The following SLC25A26 variants were observed in gnomAD, a reference collection of about 807,000 sequenced individuals.
SLC25A26 encodes solute carrier family 25 member 26, also known as mitochondrial S-adenosylmethionine carrier protein.
In SLC25A26, 36 loss-of-function variants were observed where a neutral mutation model predicts 37.8. That is an observed-to-expected ratio of 0.95 (90% CI 0.73 to 1.26). SLC25A26 has a LOEUF of 1.26. SLC25A26 is among the 50% of genes most tolerant of loss of function. The pLI is 0.00. For synonymous variants in SLC25A26, 129 were observed against 122.5 expected (o/e 1.05, Z -0.35); for missense variants, 390 against 331.1 (o/e 1.18, Z -1.38).
chr3:66,309,522 T>A (rs116465672), intron 5 of SLC25A26, among the ~76,000 whole-genome samples: 2 of 152,150 alleles, frequency 1.3e-5, no homozygotes, highest in East Asian at 3.9e-4. Context: ...TGCTCTGATC[T>A]TAATTATTTC....
chr3:66,281,729 A>G (rs1043658577), intron 5 of SLC25A26, among the ~76,000 whole-genome samples: 16 of 151,282 alleles, frequency 1.1e-4, no homozygotes, highest in African/African-American at 3.6e-4. Context: ...TACCATTAGT[A>G]TTATTCTTTT....
intron 5 of SLC25A26, among the ~76,000 whole-genome samples, chr3:66,329,868 A>G (rs1344237646): frequency 1.3e-5 from 2 of 152,172 alleles, no homozygotes; most frequent in South Asian, 2.1e-4. Flanking sequence ...GCATTTTAAT[A>G]CTGATGTAGG....
intron 8 of SLC25A26, among the ~76,000 whole-genome samples, chr3:66,369,984 T>C (rs1700259116): frequency 1.3e-5 from 2 of 152,142 alleles, no homozygotes; most frequent in Admixed American, 1.3e-4. Flanking sequence ...CCCTGCTAGA[T>C]AGAGAGTTGA....
chr3:66,172,410 G>GAAAAA (rs1199322248), intron 1 of SLC25A26, among the ~76,000 whole-genome samples: 60 of 75,130 alleles, frequency 8.0e-4, no homozygotes, highest in Admixed American at 1.7e-3. Context: ...TACCTGTAAA[G>GAAAAA]AAAAAAAAAA....
At chr3:66,159,576 A>G (rs138511162) in intron 1 of SLC25A26, among the ~76,000 whole-genome samples, 7 of 152,310 alleles carry the variant, frequency 4.6e-5, no homozygotes, top group Admixed American at 4.6e-4. Context: ...CTCCTAATTC[A>G]TCATTAATAT....
chr3:66,272,115 A>G (rs2073981303), intron 5 of SLC25A26, among the ~76,000 whole-genome samples: 1 of 152,156 alleles, frequency 6.6e-6, no homozygotes, highest in Admixed American at 6.6e-5. Context: ...TTTACCAAGT[A>G]CTTAAAATGT....
chr3:66,294,816 A>G (rs2074842309), intron 5 of SLC25A26, among the ~76,000 whole-genome samples: 2 of 152,208 alleles, frequency 1.3e-5, no homozygotes, highest in East Asian at 1.9e-4. Flanking sequence ...AATTGTTAGG[A>G]AAGTCTTTGT....
At position 66,298,709 on chromosome 3, in the gene SLC25A26, A is replaced by G. The variant is rs571145545; in HGVS notation, c.453+35330A>G. Among the ~76,000 whole-genome samples the G allele has an allele frequency of 3.9e-5, 6 of 152,288 alleles. No individual in the cohort carries two copies. The South Asian group carries it at 6.2e-4, about 16-fold the overall frequency. On this transcript the variant is annotated intron_variant, in intron 5 of 9. Transcript: ENST00000354883. Reference sequence around the variant, plus strand: ...GCTAGAAATGAGCACCAGTCACACTACTGATCTGTGTTAGGAAAGATCACA... The same window carrying G: ...GCTAGAAATGAGCACCAGTCACACTGCTGATCTGTGTTAGGAAAGATCACA...
upstream of SLC25A26, among the ~76,000 whole-genome samples, chr3:66,217,194 T>A (rs1393855097): frequency 6.6e-6 from 1 of 152,234 alleles, no homozygotes; most frequent in Non-Finnish European, 1.5e-5. Context: ...TTCTTAATTT[T>A]ACTTCAAAGG....
chr3:66,250,517 A>T (rs2073040226), intron 3 of SLC25A26, among the ~76,000 whole-genome samples: 1 of 152,214 alleles, frequency 6.6e-6, no homozygotes, highest in Non-Finnish European at 1.5e-5. Context: ...AGGTGATAAG[A>T]TGCTCTCTGG....
chr3:66,218,576 C>T (rs1281009776), upstream of SLC25A26, among the ~76,000 whole-genome samples: 1 of 152,134 alleles, frequency 6.6e-6, no homozygotes, highest in African/African-American at 2.4e-5. Context: ...GGTATTTAGG[C>T]TTTTGGGTAG....
intron 5 of SLC25A26, among the ~76,000 whole-genome samples, chr3:66,275,901 G>C (rs932746877): frequency 6.6e-6 from 1 of 152,056 alleles, no homozygotes; most frequent in Non-Finnish European, 1.5e-5. Context: ...TGAATACCGT[G>C]TGGGTCAAGA....
Position 66,226,048 on chromosome 3 carries a change from T to C in SLC25A26, c.33+4921T>C, listed in dbSNP as rs145479714. The stretch of plus-strand genomic sequence containing the variant: ...GCTTGTTACCCATTCTGAAGTCGCT[T>C]CCACATTTTCAGGTATCTTTATAGT... On this transcript the variant is annotated intron_variant, in intron 1 of 9. Coordinates refer to ENST00000354883, the MANE Select transcript of SLC25A26 (RefSeq NM_001379210.1). 5.1e-3 allele frequency among the ~76,000 whole-genome samples: 781 copies of C among 152,328 alleles called. 4 individuals are homozygous for C. The highest frequency in any genetic ancestry group is 0.017 in the East Asian group (90 of 5,186).
In SLC25A26 at chr3:66,266,993, T is replaced by C. The variant is rs549214560; in HGVS notation, c.453+3614T>C. ...TTAGTTAAACTTAGCAGATGTCTTT[T>C]GTCCACAAATTTCACTCAGCTGTCC... On this transcript the variant is annotated intron_variant, in intron 5 of 9. Coordinates refer to ENST00000354883, the MANE Select transcript of SLC25A26 (RefSeq NM_001379210.1). Among the ~76,000 whole-genome samples, 6 of 152,324 alleles carry C rather than the reference T, an allele frequency of 3.9e-5. No individual in the cohort carries two copies. In the South Asian group the frequency reaches 8.3e-4, roughly 21 times the overall value.
intron 5 of SLC25A26, among the ~76,000 whole-genome samples, chr3:66,269,969 A>C (rs2073897445): frequency 6.6e-6 from 1 of 152,166 alleles, no homozygotes; most frequent in Non-Finnish European, 1.5e-5. Flanking sequence ...CTACACAGTG[A>C]GCACTCAGTG....
chr3:66,256,719 G>A (rs568851093), intron 3 of SLC25A26, among the ~76,000 whole-genome samples: 1 of 152,230 alleles, frequency 6.6e-6, no homozygotes, highest in Admixed American at 6.5e-5. Flanking sequence ...AACATAGCAA[G>A]ATCCTTTCTC....
At position 66,247,511 on chromosome 3, in the gene SLC25A26, A is replaced by G. The variant is rs571928903; in HGVS notation, c.300+4199A>G. On this transcript the variant is annotated intron_variant, in intron 3 of 9. Transcript: ENST00000354883. The stretch of plus-strand genomic sequence containing the variant: ...AATTTTGTAAAGATGGGGTCTTACT[A>G]TGTTGCCCAGGCTAGTCTTGAACTC... Among the ~76,000 whole-genome samples the G allele has an allele frequency of 7.9e-5, 12 of 152,214 alleles. No homozygotes were observed. In the South Asian group the frequency reaches 1.9e-3, roughly 24 times the overall value.
intron 1 of SLC25A26, among the ~76,000 whole-genome samples, chr3:66,204,926 G>T (rs2071158029): frequency 6.6e-6 from 1 of 152,162 alleles, no homozygotes; most frequent in Non-Finnish European, 1.5e-5. Context: ...TAGCAGGTAG[G>T]GAAGGGTATT....
intron 5 of SLC25A26, among the ~76,000 whole-genome samples, chr3:66,297,752 AAC>A (rs2074950638): frequency 6.6e-6 from 1 of 152,220 alleles, no homozygotes; most frequent in Non-Finnish European, 1.5e-5. Context: ...GAGTAGTTGT[AAC>A]AGAGACTGTA....
Sources: allele counts gnomAD v4.1 joint callset (sites outside exome capture counted in the v4.1 genomes callset), GRCh38; gene constraint gnomAD v4.1.1; transcripts MANE v1.5; gene names NCBI Gene and HGNC (gene_info 2026-07-23, HGNC 2026-07-21).